The following AGBL4 variants were observed in gnomAD, a reference collection of about 807,000 sequenced individuals.
AGBL4 encodes the protein AGBL carboxypeptidase 4.
A neutral mutation model predicts 66.4 loss-of-function variants in AGBL4; 58 were observed. The observed-to-expected ratio is 0.87, with a 90% CI of 0.71 to 1.09. AGBL4 has a LOEUF of 1.09. AGBL4 is among the 50% of genes least tolerant of loss of function. AGBL4 has a pLI of 0.00. For missense variants in AGBL4, 579 were observed against 631.0 expected (o/e 0.92, Z 0.88); for synonymous variants, 234 against 222.9 (o/e 1.05, Z -0.44).
intron 9 of AGBL4, among the ~76,000 whole-genome samples, chr1:48,594,905 A>G (rs893225933): frequency 2.0e-5 from 3 of 152,060 alleles, no homozygotes; most frequent in African/African-American, 7.2e-5. Context: ...ATGGGTAGCT[A>G]CACGTAAAAA....
chr1:48,598,898 G>A (rs938108184), intron 9 of AGBL4, among the ~76,000 whole-genome samples: 4 of 151,860 alleles, frequency 2.6e-5, no homozygotes, highest in African/African-American at 9.7e-5. Flanking sequence ...ATAACACTTA[G>A]CTTAAAACAC....
In AGBL4 at chr1:49,170,227, GTTATAAATTTATATTCATATAAATATA is replaced by G. The variant is rs1243714508; in HGVS notation, c.377+75516_377+75542del. On this transcript the variant is annotated intron_variant, in intron 4 of 13. Transcript: ENST00000371839. Reference sequence around the variant, plus strand: ...TATAAATTTATATTCATATAAATATGTTATAAATTTATATTCATATAAATATATTATAAATTTATATTCATATAAATA... The same window carrying G: ...TATAAATTTATATTCATATAAATATGTTATAAATTTATATTCATATAAATA... 3.3e-3 allele frequency among the ~76,000 whole-genome samples: 466 copies of G among 142,100 alleles called. 8 individuals are homozygous for G. The highest frequency in any genetic ancestry group is 0.017 in the East Asian group (87 of 4,978). 93.2% of individuals were successfully genotyped at this position (142,100 alleles called of 152,430 possible). A position where few individuals can be genotyped will look rare whatever the true frequency, so the allele number is the denominator to read the frequency against.
intron 3 of AGBL4, among the ~76,000 whole-genome samples, chr1:49,641,832 A>G (rs971054276): frequency 1.3e-5 from 2 of 152,004 alleles, no homozygotes; most frequent in Non-Finnish European, 2.9e-5. Flanking sequence ...TTTTAAAAGC[A>G]TTATTTAATT....
At chr1:48,946,406 G>A (rs1331474703) in intron 5 of AGBL4, among the ~76,000 whole-genome samples, 1 of 152,204 alleles carries the variant, frequency 6.6e-6, no homozygotes, top group Admixed American at 6.5e-5. Flanking sequence ...CAGCTTGATC[G>A]ATAATGAGGG....
intron 9 of AGBL4, among the ~76,000 whole-genome samples, chr1:48,602,243 G>A (rs1432824917): frequency 6.6e-6 from 1 of 152,060 alleles, no homozygotes; most frequent in Non-Finnish European, 1.5e-5. Context: ...ACTCATCTTG[G>A]CTCTCTACTA....
chr1:50,021,552 T>C (rs1332371800), intron 1 of AGBL4, among the ~76,000 whole-genome samples: 1 of 152,170 alleles, frequency 6.6e-6, no homozygotes, highest in African/African-American at 2.4e-5. Context: ...TTGAACAAAT[T>C]AGAAAATGAG....
At chr1:49,179,041 C>T (rs924664574) in intron 4 of AGBL4, among the ~76,000 whole-genome samples, 2 of 152,116 alleles carry the variant, frequency 1.3e-5, no homozygotes, top group African/African-American at 2.4e-5. Context: ...TAGTACAACT[C>T]GCTTATGCTT....
At chr1:49,878,028 T>C (rs1647076333) in intron 1 of AGBL4, among the ~76,000 whole-genome samples, 1 of 151,988 alleles carries the variant, frequency 6.6e-6, no homozygotes, top group Non-Finnish European at 1.5e-5. Context: ...TTTTTTATTG[T>C]GTCTCTTTGA....
intron 1 of AGBL4, among the ~76,000 whole-genome samples, chr1:50,017,735 G>A (rs1388148963): frequency 1.3e-5 from 2 of 152,060 alleles, no homozygotes; most frequent in Non-Finnish European, 2.9e-5. Flanking sequence ...CCTGCTTTAG[G>A]GTAGAGAGGG....
At chr1:49,637,541 G>A (rs1645699953) in intron 3 of AGBL4, among the ~76,000 whole-genome samples, 3 of 152,018 alleles carry the variant, frequency 2.0e-5, no homozygotes, top group Admixed American at 6.6e-5. Flanking sequence ...GACCTCAGGC[G>A]ATCTGCATGC....
At chr1:49,236,960 C>A (rs976037774) in intron 4 of AGBL4, among the ~76,000 whole-genome samples, 4 of 151,928 alleles carry the variant, frequency 2.6e-5, no homozygotes, top group Non-Finnish European at 5.9e-5. Flanking sequence ...ATCATGAGAT[C>A]TGATGATGGT....
chr1:49,967,818 T>C (rs1287307813), intron 1 of AGBL4, among the ~76,000 whole-genome samples: 1 of 152,216 alleles, frequency 6.6e-6, no homozygotes, highest in Non-Finnish European at 1.5e-5. Context: ...TGATTACTAA[T>C]AAGGCAGAGA....
chr1:49,642,950 A>G (rs1645812889), intron 3 of AGBL4, among the ~76,000 whole-genome samples: 1 of 152,018 alleles, frequency 6.6e-6, no homozygotes, highest in African/African-American at 2.4e-5. Flanking sequence ...AATTACCATT[A>G]AAATACTACC....
intron 3 of AGBL4, among the ~76,000 whole-genome samples, chr1:49,445,510 A>G (rs1189736638): frequency 6.6e-6 from 1 of 152,162 alleles, no homozygotes; most frequent in Non-Finnish European, 1.5e-5. Flanking sequence ...GTTATCTGAA[A>G]TATCACAAAG....
intron 5 of AGBL4, among the ~76,000 whole-genome samples, chr1:48,938,887 CTGAACACTTACCCTG>C: frequency 6.6e-6 from 1 of 152,298 alleles, no homozygotes; most frequent in South Asian, 2.1e-4. Context: ...ATGCCTGTTA[CTGAACACTTACCCTG>C]TGCCATAGAC....
chr1:49,344,258 A>T (rs1645595397), intron 3 of AGBL4, among the ~76,000 whole-genome samples: 1 of 152,172 alleles, frequency 6.6e-6, no homozygotes, highest in African/African-American at 2.4e-5. Context: ...ACATGTATAC[A>T]TATGTAACTA....
chr1:48,551,668 C>A (rs1644250627), intron 11 of AGBL4, among the ~76,000 whole-genome samples: 1 of 152,056 alleles, frequency 6.6e-6, no homozygotes, highest in South Asian at 2.1e-4. Context: ...GTTTTCTGGA[C>A]GTTTGGTATA....
At chr1:48,935,418 C>T (rs1257695037) in intron 5 of AGBL4, among the ~76,000 whole-genome samples, 2 of 152,130 alleles carry the variant, frequency 1.3e-5, no homozygotes, top group Non-Finnish European at 2.9e-5. Context: ...AGCATACACT[C>T]AGTTCTGCTG....
At chr1:48,948,019 G>GT (rs1557490787) in intron 5 of AGBL4, among the ~76,000 whole-genome samples, 1 of 151,960 alleles carries the variant, frequency 6.6e-6, no homozygotes, top group African/African-American at 2.4e-5. Context: ...AGAAACATAC[G>GT]TAGGTGAAAC....
Sources: allele counts gnomAD v4.1 joint callset (sites outside exome capture counted in the v4.1 genomes callset), GRCh38; gene constraint gnomAD v4.1.1; transcripts MANE v1.5; gene names NCBI Gene and HGNC (gene_info 2026-07-23, HGNC 2026-07-21).